Variants in MMS22L observed in about 807,000 individuals in gnomAD.
MMS22L encodes MMS22 like, DNA repair protein.
MMS22L carries 74 observed loss-of-function variants against 159.1 expected under a neutral mutation model. The ratio of observed to expected loss-of-function variants is 0.47; its 90% CI spans 0.39 to 0.56. The LOEUF is 0.56. Ranked by LOEUF, MMS22L falls within the 20% of genes least tolerant of loss-of-function variation. The probability of loss-of-function intolerance (pLI) is 0.00; values close to 1 mark genes in which losing one functional copy is unlikely to be tolerated. For missense variants in MMS22L, 1,351 were observed against 1,422.1 expected, an observed-to-expected ratio of 0.95 and a Z score of 0.80; for synonymous variants, 517 against 506.9, an observed-to-expected ratio of 1.02 and a Z score of -0.27.
Position 97,186,114 on chromosome 6 carries a change from G to A in MMS22L, c.2233+383C>T, listed in dbSNP as rs144409508. 5.2e-3 allele frequency among the ~76,000 whole-genome samples: 792 copies of A among 152,010 alleles called. 6 individuals are homozygous for A. The highest frequency in any genetic ancestry group is 0.018 in the African/African-American group (738 of 41,488). On this transcript the variant is annotated intron_variant, in intron 15 of 24. Coordinates refer to ENST00000683635, the MANE Select transcript of MMS22L (RefSeq NM_001350599.2). ...ATCTCATCTTCTTGGGATTGAAGTG[G>A]TATTTATTTTATATTCTTTTGCTCT...
At chr6:97,212,763 CTA>C (rs1351627891) in intron 14 of MMS22L, among the ~76,000 whole-genome samples, 10 of 152,058 alleles carry the variant, frequency 6.6e-5, no homozygotes, top group Non-Finnish European at 1.5e-5. Flanking sequence ...AAAGACTATT[CTA>C]TGTATGATTC....
In MMS22L at chr6:97,195,919, G is replaced by A. The variant is rs577232274; in HGVS notation, c.2040-9229C>T. On this transcript the variant is annotated intron_variant, in intron 14 of 24. Coordinates refer to ENST00000683635, the MANE Select transcript of MMS22L (RefSeq NM_001350599.2). ...ATTATTTCGCATTTTGTGAGGGAAA[G>A]GAAGGAGCAGCCTGTCATTGCCAAA... Among the ~76,000 whole-genome samples, 4 of 152,304 alleles carry A rather than the reference G, an allele frequency of 2.6e-5. No homozygotes were observed. The South Asian group carries it at 8.3e-4, about 32-fold the overall frequency.
At chr6:97,155,851 T>G (rs1220637813) in intron 22 of MMS22L, among the ~76,000 whole-genome samples, 1 of 152,220 alleles carries the variant, frequency 6.6e-6, no homozygotes, top group African/African-American at 2.4e-5. Flanking sequence ...ATATACCCAG[T>G]AATGAGATTG....
chr6:97,270,919 T>C (rs1246932936), intron 6 of MMS22L: 1 of 152,050 alleles, frequency 6.6e-6, no homozygotes, highest in Non-Finnish European at 1.5e-5. Flanking sequence ...ACAATCAAAA[T>C]ATTTTAACAG....
At chr6:97,254,873 G>T in intron 9 of MMS22L, 140 bp from the exon 10 acceptor site, 1 of 639,418 alleles carries the variant, frequency 1.6e-6, no homozygotes, top group Non-Finnish European at 2.5e-6. Flanking sequence ...AAAATGCCCA[G>T]GTTAAGAATC....
chr6:97,241,272 A>C (rs1224468574), intron 11 of MMS22L, among the ~76,000 whole-genome samples: 1 of 152,222 alleles, frequency 6.6e-6, no homozygotes, highest in African/African-American at 2.4e-5. Context: ...ATAAACATGC[A>C]TGTGCAAGTG....
In MMS22L at chr6:97,142,422, A is replaced by T. The variant is rs1800683140; in HGVS notation, c.*4384T>A. The T allele has an allele frequency of 6.6e-6, 1 of 152,516 alleles. No homozygotes were observed. The highest frequency in any genetic ancestry group is 2.4e-5 in the African/African-American group (1 of 41,474). 9.4% of individuals were successfully genotyped at this position (152,516 alleles called of 1,614,324 possible). A position where few individuals can be genotyped will look rare whatever the true frequency, so the allele number is the denominator to read the frequency against. ...TTTGTAAAGAATATGCTATGTTGCT[A>T]GCTTCCCAAACCAACTGTTTCTAAC... is the stretch of plus-strand genomic sequence containing the variant. On this transcript the variant is annotated 3_prime_UTR_variant, in exon 25 of 25. Coordinates refer to ENST00000683635, the MANE Select transcript of MMS22L (RefSeq NM_001350599.2).
intron 14 of MMS22L, among the ~76,000 whole-genome samples, chr6:97,227,214 A>G (rs1810362891): frequency 6.6e-6 from 1 of 152,234 alleles, no homozygotes; most frequent in African/African-American, 2.4e-5. Context: ...TAATTGTTAA[A>G]AAGAATTAAA....
rs1015620554 is a variant in MMS22L, at chr6:97,150,034, A to G, written c.3483-14T>C. On this transcript the variant is annotated splice_polypyrimidine_tract_variant and intron_variant, in intron 23 of 24. Transcript: ENST00000683635. ...TGGATAAACTGCCTGAAAGTAAAAC[A>G]GGTTTATTTAGGATTACTCCTGGGG... 1 of 1,610,504 alleles carries G rather than the reference A, an allele frequency of 6.2e-7. No individual in the cohort carries two copies.
intron 11 of MMS22L, among the ~76,000 whole-genome samples, chr6:97,240,665 C>T (rs1316350749): frequency 1.3e-5 from 2 of 149,368 alleles, no homozygotes; most frequent in African/African-American, 4.9e-5. Context: ...TTGCTCTTGT[C>T]ACCTAGGCTA....
At chr6:97,224,108 A>G (rs902616959) in intron 14 of MMS22L, among the ~76,000 whole-genome samples, 2 of 152,190 alleles carry the variant, frequency 1.3e-5, no homozygotes, top group Admixed American at 1.3e-4. Context: ...TCCTTTTTGC[A>G]CAGGCTAATC....
Position 97,243,307 on chromosome 6 carries a change from GGATT to G in MMS22L, c.1182+3317_1182+3320del, listed in dbSNP as rs1441393418. Among the ~76,000 whole-genome samples, 4 of 151,688 alleles carry G rather than the reference GGATT, an allele frequency of 2.6e-5. 1 individual carries two copies. Among genetic ancestry groups the G allele is most frequent in the South Asian group, 4.2e-4 (2 of 4,810 alleles). ...CTTTTTTCTTTGTCTTTATCGGATT[GGATT>G]AATTTGAAAACCTTGTCTTCAAGCT... On this transcript the variant is annotated intron_variant, in intron 11 of 24. Coordinates refer to ENST00000683635, the MANE Select transcript of MMS22L (RefSeq NM_001350599.2).
intron 24 of MMS22L, among the ~76,000 whole-genome samples, chr6:97,148,360 T>C (rs749047073): frequency 2.3e-4 from 35 of 152,294 alleles, no homozygotes; most frequent in Non-Finnish European, 5.9e-5. Context: ...AAAAGTTAAC[T>C]GTAAAACAGA....
At chr6:97,182,154 T>A (rs902933991) in intron 15 of MMS22L, 100 bp from the exon 16 acceptor site, 58 of 936,896 alleles carry the variant, frequency 6.2e-5, no homozygotes, top group African/African-American at 1.7e-4. Context: ...TTTTTTTTTT[T>A]AAGTAACAAA....
At chr6:97,199,813 T>C (rs983949239) in intron 14 of MMS22L, among the ~76,000 whole-genome samples, 24 of 152,084 alleles carry the variant, frequency 1.6e-4, no homozygotes, top group African/African-American at 5.8e-4. Context: ...CTAATGGAAA[T>C]AACAGTCTAG....
chr6:97,231,841 T>C (rs865957065), intron 12 of MMS22L, among the ~76,000 whole-genome samples, 189 bp from the exon 13 acceptor site: 3 of 152,188 alleles, frequency 2.0e-5, no homozygotes, highest in Non-Finnish European at 4.4e-5. Context: ...GTCCAAATTT[T>C]GGATTGTCCC....
At chr6:97,273,375 CCT>C (rs1345214515) in intron 4 of MMS22L, among the ~76,000 whole-genome samples, 5 of 152,224 alleles carry the variant, frequency 3.3e-5, no homozygotes, top group African/African-American at 7.2e-5. Flanking sequence ...CTTTGTCCTA[CCT>C]CTTTTATTGG....
At chr6:97,204,205 T>C (rs1466385378) in intron 14 of MMS22L, among the ~76,000 whole-genome samples, 1 of 152,222 alleles carries the variant, frequency 6.6e-6, no homozygotes. Context: ...CAAACTGACA[T>C]TGTTAAGTGT....
chr6:97,149,034 CAT>C (rs1015318477), intron 24 of MMS22L, among the ~76,000 whole-genome samples: 1 of 152,178 alleles, frequency 6.6e-6, no homozygotes, highest in African/African-American at 2.4e-5. Flanking sequence ...ACTACAGTAA[CAT>C]GTTATACAAG....
Sources: allele counts gnomAD v4.1 joint callset (sites outside exome capture counted in the v4.1 genomes callset), GRCh38; gene constraint gnomAD v4.1.1; transcripts MANE v1.5; gene names NCBI Gene and HGNC (gene_info 2026-07-23, HGNC 2026-07-21).